MAP4K1: variants seen among roughly 807,000 people sequenced by gnomAD.
MAP4K1 encodes the protein MAPK/ERK kinase kinase kinase 1.
Under a neutral mutation model 122.8 loss-of-function variants are expected in MAP4K1, and 35 were observed. That is an observed-to-expected ratio of 0.29 (90% CI 0.22 to 0.38). MAP4K1 has a LOEUF of 0.38. Ranked by LOEUF, MAP4K1 falls within the 10% of genes least tolerant of loss-of-function variation. The pLI is 1.00. For missense variants in MAP4K1, 791 were observed against 1,072.6 expected (o/e 0.74, Z 3.67); for synonymous variants, 412 against 421.3 (o/e 0.98, Z 0.27).
At chr19:38,606,389 G>A (rs1379245637) in intron 16 of MAP4K1, among the ~76,000 whole-genome samples, 174 bp from the exon 17 acceptor site, 1 of 152,250 alleles carries the variant, frequency 6.6e-6, no homozygotes, top group Non-Finnish European at 1.5e-5. Context: ...GCTGGACATA[G>A]TGGCTCATGC....
chr19:38,608,623 C>T (rs895495096), intron 13 of MAP4K1, among the ~76,000 whole-genome samples: 1 of 151,626 alleles, frequency 6.6e-6, no homozygotes, highest in Non-Finnish European at 1.5e-5. Flanking sequence ...TGGTGAAGCC[C>T]CGTCTCTACT....
rs976391506 is a variant in MAP4K1, at chr19:38,605,588, G to C, written c.1343C>G (p.Pro448Arg). Residue 448 changes from proline (P) to arginine (R), a missense_variant, in exon 18 of 31, where the codon CCC becomes CGC. By Grantham distance (103) the Pro-to-Arg change is moderately radical. Around this residue, in one of 4 missense-constraint regions of MAP4K1, gnomAD observed 303 missense variants for 344.8 expected, o/e 0.88. Transcript: ENST00000396857. ...ATTACCTGAATGGGCGGTGAGGTGGGGGCTGCTGGTGGATGGGGGAGGCCC... is the reference window on the plus strand; with the variant it reads ...ATTACCTGAATGGGCGGTGAGGTGGCGGCTGCTGGTGGATGGGGGAGGCCC... ...RPGPPPSTSSPHLTAHSEPSL... is the reference protein window; with the variant it reads ...RPGPPPSTSSRHLTAHSEPSL... 2 of 1,550,212 alleles carry C rather than the reference G, an allele frequency of 1.3e-6. No homozygotes were observed. The highest frequency in any genetic ancestry group is 2.7e-5 in the African/African-American group (2 of 72,856).
intron 29 of MAP4K1, 111 bp downstream of exon 29, chr19:38,595,374 T>G: frequency 1.1e-6 from 1 of 931,814 alleles, no homozygotes; most frequent in South Asian, 1.6e-5. Flanking sequence ...TTGGAAGATG[T>G]TTCCCCTCCA....
chr19:38,613,823 G>A (rs1975569276), intron 8 of MAP4K1, 57 bp downstream of exon 8: 2 of 1,382,364 alleles, frequency 1.4e-6, no homozygotes, highest in Non-Finnish European at 2.0e-6. Context: ...GGGAACCAGG[G>A]TAGGAAAAAC....
Position 38,601,516 on chromosome 19 carries a change from G to A in MAP4K1, c.1456C>T (p.Leu486Phe). Reference sequence around the variant, plus strand: ...CAGCCATTGAACAACTTTACGAGAAGGGCACATCCCTGGGCAGGTCGCCGC... The same window carrying A: ...CAGCCATTGAACAACTTTACGAGAAAGGCACATCCCTGGGCAGGTCGCCGC... Reference protein sequence around the residue: ...KEKMKRKGCALLVKLFNGCPL... With the variant: ...KEKMKRKGCAFLVKLFNGCPL... The change falls in exon 20 of 31, where the codon CTT becomes TTT. Residue 486 changes from leucine (L) to phenylalanine (F), a missense_variant. Leu to Phe is a conservative substitution (Grantham distance 22, BLOSUM62 0). Transcript: ENST00000396857. 1 of 1,607,218 alleles carries A rather than the reference G, an allele frequency of 6.2e-7. No homozygotes were observed. Among genetic ancestry groups the A allele is most frequent in the African/African-American group, 1.3e-5 (1 of 74,920 alleles).
In MAP4K1 at chr19:38,597,600, G is replaced by C; in HGVS notation, c.1670-6C>G. On this transcript the variant is annotated splice_polypyrimidine_tract_variant and splice_region_variant and intron_variant, in intron 22 of 30. Coordinates refer to ENST00000396857, the MANE Select transcript of MAP4K1 (RefSeq NM_001042600.3). The surrounding 1 kb of genome is among the most constrained non-coding windows in gnomAD (Gnocchi z 4.6). ...ATACAGGTGGGGGGTCTTTCCTGCAGGGTGTGTGTATGTAGGGGGAAGCAG... is the reference window on the plus strand; with the variant it reads ...ATACAGGTGGGGGGTCTTTCCTGCACGGTGTGTGTATGTAGGGGGAAGCAG... 1 of 1,601,062 alleles carries C rather than the reference G, an allele frequency of 6.2e-7. No homozygotes were observed. The highest frequency in any genetic ancestry group is 8.5e-7 in the Non-Finnish European group (1 of 1,171,366).
chr19:38,596,559 T>C (rs1974893058), intron 25 of MAP4K1, 73 bp from the exon 26 acceptor site: 3 of 1,279,646 alleles, frequency 2.3e-6, no homozygotes, highest in Non-Finnish European at 3.1e-6. Context: ...GGCTTGTAGC[T>C]GGCCTGGGAC....
intron 8 of MAP4K1, among the ~76,000 whole-genome samples, chr19:38,613,629 A>G (rs1489543911): frequency 6.6e-6 from 1 of 152,152 alleles, no homozygotes; most frequent in African/African-American, 2.4e-5. Context: ...GGAAAAAGAC[A>G]GAAATGGATA....
rs190295523 is a variant in MAP4K1 at position 38,600,327 on chromosome 19, C to T, written c.1532-174G>A. ...CAAACAAAGCCAGAGCGGACGGTCC[C>T]GCAAGCCAGTCTCACTCTCCCTCCT... is the stretch of plus-strand genomic sequence containing the variant. On this transcript the variant is annotated intron_variant, in intron 20 of 30. Coordinates refer to ENST00000396857, the MANE Select transcript of MAP4K1 (RefSeq NM_001042600.3). 1.0e-3 allele frequency among the ~76,000 whole-genome samples: 152 copies of T among 152,258 alleles called. 2 individuals carry two copies. Among genetic ancestry groups the T allele is most frequent in the Non-Finnish European group, 1.8e-4 (12 of 68,022 alleles).
At chr19:38,590,394 A>ATAT (rs1226154169) in intron 30 of MAP4K1, among the ~76,000 whole-genome samples, 2 of 17,278 alleles carry the variant, frequency 1.2e-4, no homozygotes, top group African/African-American at 2.0e-4. Flanking sequence ...AAAAAAAAAA[A>ATAT]ATATATATAT....
chr19:38,588,577 C>T (rs997855375), intron 30 of MAP4K1, among the ~76,000 whole-genome samples: 1 of 151,130 alleles, frequency 6.6e-6, no homozygotes, highest in African/African-American at 2.4e-5. Context: ...GGTGAAACCC[C>T]ATCTCTACTA....
At chr19:38,602,674 A>G (rs962225210) in intron 19 of MAP4K1, among the ~76,000 whole-genome samples, 2 of 149,398 alleles carry the variant, frequency 1.3e-5, no homozygotes, top group South Asian at 2.1e-4. Context: ...ATGTACATAT[A>G]TACGCATATA....
At chr19:38,602,481 C>G (rs147992410) in intron 19 of MAP4K1, among the ~76,000 whole-genome samples, 74 of 148,926 alleles carry the variant, frequency 5.0e-4, no homozygotes, top group African/African-American at 1.7e-3. Flanking sequence ...CATATATACA[C>G]ACATATACAT....
intron 30 of MAP4K1, 85 bp from the exon 31 acceptor site, chr19:38,587,902 G>C: frequency 9.5e-7 from 1 of 1,053,116 alleles, no homozygotes; most frequent in Non-Finnish European, 1.5e-6. Context: ...AATAGAGACT[G>C]TGCCAGCCCC....
chr19:38,605,685 C>T lies in MAP4K1; in HGVS notation c.1246G>A (p.Asp416Asn), dbSNP rs748934050. Residue 416 changes from aspartate to asparagine, a missense_variant, in exon 18 of 31, where the codon GAT becomes AAT. Transcript: ENST00000396857. ...PSDEGPGSMG[D>N]DGQLSPGVLV... ...ACCCCCGGGCTCAGCTGCCCATCAT[C>T]CCCCATGCTCCCAGGACCCTCGTCT... is the stretch of plus-strand genomic sequence containing the variant. 2 of 1,606,924 alleles carry T rather than the reference C, an allele frequency of 1.2e-6. No homozygotes were observed. Among genetic ancestry groups the T allele is most frequent in the Non-Finnish European group, 1.7e-6 (2 of 1,178,420 alleles).
In MAP4K1 at chr19:38,609,577, A is replaced by G. The variant is rs1351016967; in HGVS notation, c.1006+19T>C. 1.9e-6 allele frequency: 3 copies of G among 1,610,928 alleles called. No individual in the cohort carries two copies. Among genetic ancestry groups the G allele is most frequent in the South Asian group, 1.1e-5 (1 of 90,354 alleles). ...ATTATAGGGTCAGGTGTCCCCAAACATAAGGATTCTCTACTCACGACAGCA... is the reference window on the plus strand; with the variant it reads ...ATTATAGGGTCAGGTGTCCCCAAACGTAAGGATTCTCTACTCACGACAGCA... On this transcript the variant is annotated intron_variant, in intron 13 of 30. Transcript: ENST00000396857.
At chr19:38,616,976 G>C (rs544548155) in intron 3 of MAP4K1, among the ~76,000 whole-genome samples, 3 of 152,136 alleles carry the variant, frequency 2.0e-5, no homozygotes, top group African/African-American at 7.2e-5. Flanking sequence ...GACCAGGCGC[G>C]GTGGATCACA....
chr19:38,616,332 C>A (rs1401671828), intron 3 of MAP4K1, 73 bp from the exon 4 acceptor site: 1 of 1,254,448 alleles, frequency 8.0e-7, no homozygotes, highest in East Asian at 2.4e-5. Flanking sequence ...CCCTGGTTTG[C>A]TTCTGTCTTG....
intron 4 of MAP4K1, chr19:38,614,939 A>AAG (rs1975605450): frequency 6.5e-6 from 1 of 153,686 alleles, no homozygotes; most frequent in African/African-American, 2.4e-5. Flanking sequence ...AAAAAAAAAA[A>AAG]AAAAAAAAAG....
Sources: gnomAD v4.1 joint callset for allele counts (sites outside exome capture counted in the v4.1 genomes callset) on GRCh38, gnomAD v4.1.1 for gene constraint, gnomAD v4.1.1 regional missense constraint, Gnocchi (gnomAD v3.1) non-coding constraint, MANE v1.5 for transcripts, NCBI Gene and HGNC (gene_info 2026-07-23, HGNC 2026-07-21) for gene names.